JAKMIP1: variants seen among roughly 807,000 people sequenced by gnomAD.
The protein encoded by JAKMIP1 is janus kinase and microtubule-interacting protein 1.
In JAKMIP1, 33 loss-of-function variants were observed where a neutral mutation model predicts 113.0. The observed-to-expected ratio is 0.29, with a 90% confidence interval of 0.22 to 0.39. The LOEUF (loss-of-function observed/expected upper bound fraction) is 0.39. JAKMIP1 is among the 10% of genes least tolerant of loss of function. The pLI, the probability that JAKMIP1 is intolerant of heterozygous loss-of-function variation, is 1.00. For missense variants in JAKMIP1, 813 were observed against 1,080.5 expected, an observed-to-expected ratio of 0.75 and a Z score of 3.47; for synonymous variants, 480 against 459.9, an observed-to-expected ratio of 1.04 and a Z score of -0.56.
intron 8 of JAKMIP1, among the ~76,000 whole-genome samples, chr4:6,072,736 A>G (rs1024975431): frequency 6.6e-6 from 1 of 152,190 alleles, no homozygotes; most frequent in Non-Finnish European, 1.5e-5. Context: ...GCAGCCTAGG[A>G]ATAAGATCGA....
intron 8 of JAKMIP1, 75 bp downstream of exon 8, chr4:6,078,864 C>A (rs1051725685): frequency 1.0e-5 from 15 of 1,465,794 alleles, no homozygotes; most frequent in Non-Finnish European, 1.1e-5. Flanking sequence ...AAAACCTCCC[C>A]ACTCCACGAC....
At chr4:6,056,092 C>T (rs1020995164) in intron 12 of JAKMIP1, among the ~76,000 whole-genome samples, 2 of 151,372 alleles carry the variant, frequency 1.3e-5, no homozygotes, top group African/African-American at 4.9e-5. Flanking sequence ...TGCAGAGTGT[C>T]CCTAGAGGTC....
chr4:6,139,141 T>C lies in JAKMIP1; in HGVS notation c.-147-26144A>G, dbSNP rs1247025081. Among the ~76,000 whole-genome samples, 4 of 151,918 alleles carry C rather than the reference T, an allele frequency of 2.6e-5. No individual in the cohort carries two copies. The highest frequency in any genetic ancestry group is 6.6e-5 in the Admixed American group (1 of 15,258). On this transcript the variant is annotated intron_variant, in intron 1 of 20. Transcript: ENST00000409021. The surrounding 1 kb of genome is among the most constrained non-coding windows in gnomAD (Gnocchi z 5.2). Reference sequence around the variant, plus strand: ...GCCCTGCTCTCCTCTGGACTCCTCTTATGCCTGAGCCCCACTTTCCCCCTG... The same window carrying C: ...GCCCTGCTCTCCTCTGGACTCCTCTCATGCCTGAGCCCCACTTTCCCCCTG...
intron 1 of JAKMIP1, among the ~76,000 whole-genome samples, chr4:6,115,904 T>C (rs965879006): frequency 6.6e-6 from 1 of 152,248 alleles, no homozygotes; most frequent in Middle Eastern, 3.4e-3. Flanking sequence ...CTGCCCTGTA[T>C]GTCAAGTGTC....
At chr4:6,043,024 C>T (rs948802026) in intron 16 of JAKMIP1, among the ~76,000 whole-genome samples, 2 of 151,894 alleles carry the variant, frequency 1.3e-5, no homozygotes, top group African/African-American at 4.8e-5. Flanking sequence ...TACGAGGAGC[C>T]CCTAAAACGG....
intron 1 of JAKMIP1, among the ~76,000 whole-genome samples, chr4:6,149,044 G>A (rs1038244588): frequency 2.0e-5 from 3 of 152,104 alleles, no homozygotes; most frequent in Non-Finnish European, 4.4e-5. Flanking sequence ...CCAAGAGGCC[G>A]TGTAACCCGC....
At chr4:6,174,869 C>T (rs1725156914) in intron 1 of JAKMIP1, among the ~76,000 whole-genome samples, 1 of 152,102 alleles carries the variant, frequency 6.6e-6, no homozygotes, top group South Asian at 2.1e-4. Flanking sequence ...CCTTCCTCAC[C>T]CTCTGCCCAC....
rs776013965 is a variant in JAKMIP1, at chr4:6,185,145, C to A, written c.-148+15108G>T. On this transcript the variant is annotated intron_variant, in intron 1 of 20. Transcript: ENST00000409021. The surrounding 1 kb of genome is among the most constrained non-coding windows in gnomAD (Gnocchi z 5.3). ...TTTGGGACTCGAACTGGCTTCCTTGCTCCTCAGCTTGCAGATGGCCTAATG... is the reference window on the plus strand; with the variant it reads ...TTTGGGACTCGAACTGGCTTCCTTGATCCTCAGCTTGCAGATGGCCTAATG... 5.9e-5 allele frequency among the ~76,000 whole-genome samples: 9 copies of A among 152,212 alleles called. No homozygotes were observed. The highest frequency in any genetic ancestry group is 1.3e-4 in the Non-Finnish European group (9 of 68,040).
intron 8 of JAKMIP1, chr4:6,070,031 C>G: frequency 2.5e-6 from 1 of 398,682 alleles, no homozygotes; most frequent in Non-Finnish European, 4.4e-6. Flanking sequence ...AACCTCAAAA[C>G]GCAAAACCCC....
At position 6,153,451 on chromosome 4, in the gene JAKMIP1, T is replaced by C. The variant is rs1370338113; in HGVS notation, c.-147-40454A>G. On this transcript the variant is annotated intron_variant, in intron 1 of 20. Coordinates refer to ENST00000409021, the MANE Select transcript of JAKMIP1 (RefSeq NM_001099433.2). This position sits in a 1 kb window ranked among gnomAD's most constrained non-coding sequence, Gnocchi z 4.9. ...ATTTCATGTTTTGAAAAATGAGCAC[T>C]GGAGCCAACGGTGTTTCCCAAACCT... Among the ~76,000 whole-genome samples, 1 of 152,352 alleles carries C rather than the reference T, an allele frequency of 6.6e-6. No individual in the cohort carries two copies.
chr4:6,149,576 G>A (rs1369274635), intron 1 of JAKMIP1, among the ~76,000 whole-genome samples: 1 of 152,180 alleles, frequency 6.6e-6, no homozygotes, highest in African/African-American at 2.4e-5. Context: ...TAGAAAGGAT[G>A]TCCATTTCAT....
At position 6,178,564 on chromosome 4, in the gene JAKMIP1, C is replaced by T. The variant is rs1216231471; in HGVS notation, c.-148+21689G>A. Reference sequence around the variant, plus strand: ...ATGATATTGGAAGCATTTCATGAACCGGGATATTTCGAAACTGCATCTCCT... The same window carrying T: ...ATGATATTGGAAGCATTTCATGAACTGGGATATTTCGAAACTGCATCTCCT... On this transcript the variant is annotated intron_variant, in intron 1 of 20. Coordinates refer to ENST00000409021, the MANE Select transcript of JAKMIP1 (RefSeq NM_001099433.2). The surrounding 1 kb of genome is among the most constrained non-coding windows in gnomAD (Gnocchi z 5.5). 1.3e-5 allele frequency among the ~76,000 whole-genome samples: 2 copies of T among 152,084 alleles called. No homozygotes were observed. The highest frequency in any genetic ancestry group is 2.9e-5 in the Non-Finnish European group (2 of 68,028).
chr4:6,113,489 T>G (rs1457320924), intron 1 of JAKMIP1, among the ~76,000 whole-genome samples: 1 of 152,210 alleles, frequency 6.6e-6, no homozygotes, highest in Non-Finnish European at 1.5e-5. Flanking sequence ...AGGACCACAC[T>G]TAGAGAAATG....
intron 1 of JAKMIP1, among the ~76,000 whole-genome samples, chr4:6,145,143 C>G (rs981852950): frequency 6.6e-6 from 1 of 152,142 alleles, no homozygotes; most frequent in Admixed American, 6.5e-5. Context: ...GATGCAAGTA[C>G]CTTTTTGCAC....
At chr4:6,131,169 A>AC (rs1718460647) in intron 1 of JAKMIP1, among the ~76,000 whole-genome samples, 1 of 147,624 alleles carries the variant, frequency 6.8e-6, no homozygotes, top group African/African-American at 2.5e-5. Flanking sequence ...CTCCAAAAAA[A>AC]AAAAAATATC....
rs1322020271 is a variant in JAKMIP1, at chr4:6,181,982, G to T, written c.-148+18271C>A. Among the ~76,000 whole-genome samples, 1 of 152,154 alleles carries T rather than the reference G, an allele frequency of 6.6e-6. No individual in the cohort carries two copies. The highest frequency in any genetic ancestry group is 6.5e-5 in the Admixed American group (1 of 15,280). ...AGGGGTCTGGGCAAGTTCAGGGAAA[G>T]CAGACGATTCAATAAGGTAAGGGAC... On this transcript the variant is annotated intron_variant, in intron 1 of 20. Transcript: ENST00000409021. This position sits in a 1 kb window ranked among gnomAD's most constrained non-coding sequence, Gnocchi z 5.4.
Position 6,040,553 on chromosome 4 carries a change from T to C in JAKMIP1, c.2175+86A>G. ...TCCTGTTTGGCACTGGGGAGCGCCCTAAATGCAGTTTCAGCCCCAGAGGAA... is the reference window on the plus strand; with the variant it reads ...TCCTGTTTGGCACTGGGGAGCGCCCCAAATGCAGTTTCAGCCCCAGAGGAA... On this transcript the variant is annotated intron_variant, in intron 18 of 20. Transcript: ENST00000409021. The surrounding 1 kb of genome is among the most constrained non-coding windows in gnomAD (Gnocchi z 5.8). 1.1e-6 allele frequency: 1 copy of C among 936,270 alleles called. No individual in the cohort carries two copies. The highest frequency in any genetic ancestry group is 1.4e-5 in the South Asian group (1 of 72,620). The allele number at this position is 936,270 out of a possible 1,614,324, so 58.0% of individuals were successfully genotyped here.
In JAKMIP1 at chr4:6,162,026, G is replaced by C. The variant is rs975901082; in HGVS notation, c.-148+38227C>G. Among the ~76,000 whole-genome samples, 14 of 151,252 alleles carry C rather than the reference G, an allele frequency of 9.3e-5. No individual in the cohort carries two copies. In the East Asian group the frequency reaches 2.7e-3, roughly 29 times the overall value. On this transcript the variant is annotated intron_variant, in intron 1 of 20. Coordinates refer to ENST00000409021, the MANE Select transcript of JAKMIP1 (RefSeq NM_001099433.2). The surrounding 1 kb of genome is among the most constrained non-coding windows in gnomAD (Gnocchi z 5.6). ...CACCACGGGTACATGGTGCCTCCTT[G>C]ATGGAGCCGAGCAGGAAGGAAAGGG...
intron 8 of JAKMIP1, among the ~76,000 whole-genome samples, chr4:6,072,138 A>G (rs1719043537): frequency 6.6e-6 from 1 of 152,204 alleles, no homozygotes; most frequent in Admixed American, 6.5e-5. Flanking sequence ...CAAGACAATT[A>G]CATAATTAGG....
Sources: allele counts gnomAD v4.1 joint callset (sites outside exome capture counted in the v4.1 genomes callset), GRCh38; gene constraint gnomAD v4.1.1; non-coding constraint Gnocchi (gnomAD v3.1); transcripts MANE v1.5; gene names NCBI Gene and HGNC (gene_info 2026-07-23, HGNC 2026-07-21).